The following FAM184B variants were observed in gnomAD, a reference collection of about 807,000 sequenced individuals.
FAM184B encodes the protein family with sequence similarity 184 member B.
FAM184B carries 111 observed loss-of-function variants against 135.9 expected under a neutral mutation model. That is an observed-to-expected ratio of 0.82 (90% CI 0.70 to 0.96). FAM184B has a LOEUF of 0.96. Among genes scored for constraint, FAM184B ranks in the 40% least tolerant of loss-of-function variants. FAM184B has a pLI of 0.00. For missense variants in FAM184B, 1,375 were observed against 1,323.9 expected (o/e 1.04, Z -0.60); for synonymous variants, 552 against 524.8 (o/e 1.05, Z -0.71).
intron 7 of FAM184B, among the ~76,000 whole-genome samples, chr4:17,676,444 AG>A (rs1487058317): frequency 6.6e-6 from 1 of 152,242 alleles, no homozygotes; most frequent in Admixed American, 6.5e-5. Flanking sequence ...AAATATTGTG[AG>A]AATTACCAAA....
rs192543089 is a variant in FAM184B, at chr4:17,693,902, G to A, written c.1378-490C>T. On this transcript the variant is annotated intron_variant, in intron 5 of 17. Transcript: ENST00000265018. ...TGAGGCAAGTGGATTGCTTGAGTCC[G>A]GGGGTTCGAGACCAGCCCGAGCAAC... is the stretch of plus-strand genomic sequence containing the variant. 7.7e-4 allele frequency among the ~76,000 whole-genome samples: 116 copies of A among 151,512 alleles called. 1 individual carries two copies. The highest frequency in any genetic ancestry group is 2.5e-3 in the African/African-American group (103 of 41,292).
intron 5 of FAM184B, among the ~76,000 whole-genome samples, chr4:17,701,702 C>T (rs908363375): frequency 6.6e-6 from 1 of 152,196 alleles, no homozygotes; most frequent in Non-Finnish European, 1.5e-5. Context: ...GAACTTGGCA[C>T]CTGCAGTATC....
Position 17,705,139 on chromosome 4 carries a change from A to G in FAM184B, c.1238T>C (p.Ile413Thr). The change falls in exon 5 of 18, where the codon ATC becomes ACC. Residue 413 changes from isoleucine to threonine, a missense_variant. By Grantham distance (89) the Ile-to-Thr change is moderately conservative (BLOSUM62 -1). Transcript: ENST00000265018. The part of the protein sequence containing the change: ...KQQYEEDLRK[I>T]KHQTEEEKKH... Reference sequence around the variant, plus strand: ...CTTCTCCTCTTCTGTCTGATGTTTGATTTTACGAAGGTCTTCTTCATATTG... The same window carrying G: ...CTTCTCCTCTTCTGTCTGATGTTTGGTTTTACGAAGGTCTTCTTCATATTG... The G allele has an allele frequency of 6.4e-7, 1 of 1,551,682 alleles. No homozygotes were observed. Among genetic ancestry groups the G allele is most frequent in the Non-Finnish European group, 8.7e-7 (1 of 1,146,998 alleles).
At chr4:17,692,078 G>A (rs1247239534) in intron 6 of FAM184B, among the ~76,000 whole-genome samples, 1 of 152,072 alleles carries the variant, frequency 6.6e-6, no homozygotes, top group Non-Finnish European at 1.5e-5. Context: ...GAATAACTGG[G>A]CTGGTCTCAT....
Position 17,652,810 on chromosome 4 carries a change from G to A in FAM184B, c.2191+20C>T, listed in dbSNP as rs1259159635. On this transcript the variant is annotated intron_variant, in intron 11 of 17. Transcript: ENST00000265018. ...CCTGCAGTTGGCCAGGCCCTCCTCA[G>A]TACACTATTGGGTGTATACCTAGCA... 2 of 1,543,254 alleles carry A rather than the reference G, an allele frequency of 1.3e-6. No individual in the cohort carries two copies. Among genetic ancestry groups the A allele is most frequent in the South Asian group, 1.2e-5 (1 of 83,890 alleles).
Position 17,745,578 on chromosome 4 carries a change from C to T in FAM184B, c.141+35581G>A, listed in dbSNP as rs146932769. 3.5e-3 allele frequency among the ~76,000 whole-genome samples: 533 copies of T among 152,312 alleles called. 1 individual carries two copies. Among genetic ancestry groups the T allele is most frequent in the African/African-American group, 0.011 (467 of 41,562 alleles). ...TGAGGGTTCTCCTATCCACCCACTT[C>T]CTTCCGTCTCCTTTCACATATGCAG... On this transcript the variant is annotated intron_variant, in intron 1 of 17. Coordinates refer to ENST00000265018, the MANE Select transcript of FAM184B (RefSeq NM_015688.2).
At position 17,781,321 on chromosome 4, in the gene FAM184B, CAG is replaced by C; in HGVS notation, c.-24_-23del. On this transcript the variant is annotated 5_prime_UTR_variant, in exon 1 of 18. Transcript: ENST00000265018. The surrounding 1 kb of genome is among the most constrained non-coding windows in gnomAD (Gnocchi z 6.5). ...CCATCGCTAAAACGCGCCCAGCACT[CAG>C]ACTCTCTCGTTTTCTCCCTGCCCAC... The C allele has an allele frequency of 6.6e-7, 1 of 1,510,618 alleles. No homozygotes were observed. The highest frequency in any genetic ancestry group is 8.9e-7 in the Non-Finnish European group (1 of 1,122,596). 93.6% of individuals were successfully genotyped at this position (1,510,618 alleles called of 1,614,324 possible).
At chr4:17,668,133 A>C (rs1343121981) in intron 7 of FAM184B, among the ~76,000 whole-genome samples, 1 of 152,222 alleles carries the variant, frequency 6.6e-6, no homozygotes, top group Non-Finnish European at 1.5e-5. Context: ...ATACTGACAC[A>C]GTTCAAGCCC....
intron 6 of FAM184B, among the ~76,000 whole-genome samples, chr4:17,690,677 T>G (rs1359282335): frequency 2.0e-5 from 3 of 152,206 alleles, no homozygotes; most frequent in African/African-American, 7.2e-5. Flanking sequence ...TTAAACTGCG[T>G]CTTGCTAAGG....
In FAM184B at chr4:17,731,653, T is replaced by C. The variant is rs182678198; in HGVS notation, c.142-22009A>G. Among the ~76,000 whole-genome samples the C allele has an allele frequency of 2.6e-4, 40 of 152,302 alleles. No individual in the cohort carries two copies. The East Asian group carries it at 6.9e-3, about 26-fold the overall frequency. ...CTATCCTAAATATAAATGCACCCAA[T>C]ACAGGAGCACTCAGATTCACAAAGC... On this transcript the variant is annotated intron_variant, in intron 1 of 17. Transcript: ENST00000265018.
In FAM184B at chr4:17,636,577, C is replaced by A. The variant is rs370226374; in HGVS notation, c.2735G>T (p.Arg912Leu). ...SRPEDLQLIG[R>L]LQTRLKERED... Reference sequence around the variant, plus strand: ...TCTCTCCTTCAGGCGGGTCTGCAGGCGGCCAATGAGCTGAAGGTCCTCGGG... The same window carrying A: ...TCTCTCCTTCAGGCGGGTCTGCAGGAGGCCAATGAGCTGAAGGTCCTCGGG... The change falls in exon 15 of 18, where the codon CGC (arginine) becomes CTC (leucine). Residue 912 changes from arginine (R) to leucine (L), a missense_variant. By Grantham distance (102) the Arg-to-Leu change is moderately radical. Coordinates refer to ENST00000265018, the MANE Select transcript of FAM184B (RefSeq NM_015688.2). 1 of 1,551,100 alleles carries A rather than the reference C, an allele frequency of 6.4e-7. No homozygotes were observed. Among genetic ancestry groups the A allele is most frequent in the Non-Finnish European group, 8.7e-7 (1 of 1,146,920 alleles).
intron 1 of FAM184B, among the ~76,000 whole-genome samples, chr4:17,758,274 T>C (rs190950063): frequency 6.6e-6 from 1 of 152,366 alleles, no homozygotes; most frequent in African/African-American, 2.4e-5. Flanking sequence ...TAAAGAGAAT[T>C]AGCCCATAAT....
intron 1 of FAM184B, among the ~76,000 whole-genome samples, chr4:17,755,728 A>G (rs764545323): frequency 2.6e-5 from 4 of 152,244 alleles, no homozygotes; most frequent in Non-Finnish European, 2.9e-5. Flanking sequence ...CTATGCAGCC[A>G]TAAAAGGGAA....
intron 17 of FAM184B, 101 bp downstream of exon 17, chr4:17,633,588 G>A: frequency 6.4e-6 from 7 of 1,093,372 alleles, no homozygotes; most frequent in African/African-American, 4.9e-5. Flanking sequence ...CATGAAAAAA[G>A]GCCTTCTGGA....
chr4:17,636,652 C>T lies in FAM184B; in HGVS notation c.2667-7G>A. The stretch of plus-strand genomic sequence containing the variant: ...CTCTCCGGAATCTTTCAGTCTGTTC[C>T]AAGCAGGCATGCAGTCAAGTCCCCC... On this transcript the variant is annotated splice_polypyrimidine_tract_variant and splice_region_variant and intron_variant, in intron 14 of 17. Coordinates refer to ENST00000265018, the MANE Select transcript of FAM184B (RefSeq NM_015688.2). The T allele has an allele frequency of 1.3e-6, 2 of 1,543,022 alleles. No individual in the cohort carries two copies. The highest frequency in any genetic ancestry group is 1.4e-5 in the African/African-American group (1 of 72,972).
intron 13 of FAM184B, 102 bp downstream of exon 13, chr4:17,641,954 C>T (rs1212261728): frequency 7.0e-7 from 1 of 1,424,168 alleles, no homozygotes; most frequent in African/African-American, 1.5e-5. Flanking sequence ...GAGGCAGTGA[C>T]CCATTTCAGG....
chr4:17,773,916 A>G (rs1346305900), intron 1 of FAM184B, among the ~76,000 whole-genome samples: 2 of 152,224 alleles, frequency 1.3e-5, no homozygotes, highest in Admixed American at 1.3e-4. Context: ...AGAGGAATAC[A>G]TGCTATCCCA....
Position 17,709,112 on chromosome 4 carries a change from T to C in FAM184B, c.674A>G (p.Tyr225Cys). The C allele has an allele frequency of 6.5e-7, 1 of 1,549,348 alleles. No individual in the cohort carries two copies. Among genetic ancestry groups the C allele is most frequent in the South Asian group, 1.2e-5 (1 of 84,060 alleles). Residue 225 changes from tyrosine to cysteine, a missense_variant, in exon 2 of 18, where the codon TAC becomes TGC. Tyr to Cys is a radical substitution (Grantham distance 194). Transcript: ENST00000265018. ...CCGGATGGCCTCGTTTTCCCTCTCGTAGGTGGCCTGCAGCTCCTCGGCCTT... is the reference window on the plus strand; with the variant it reads ...CCGGATGGCCTCGTTTTCCCTCTCGCAGGTGGCCTGCAGCTCCTCGGCCTT... ...ARKAEELQAT[Y>C]ERENEAIRQA...
At position 17,632,275 on chromosome 4, in the gene FAM184B, A is replaced by C. The variant is rs1472261389; in HGVS notation, c.*257T>G. 3 of 263,302 alleles carry C rather than the reference A, an allele frequency of 1.1e-5. No homozygotes were observed. Among genetic ancestry groups the C allele is most frequent in the Admixed American group, 4.6e-5 (1 of 21,576 alleles). The allele number at this position is 263,302 out of a possible 1,614,324, so 16.3% of individuals were successfully genotyped here. ...TATTTTGTAGAGATGGGGTTTCACC[A>C]TATTGGCCAGGCTGGTCTCAAATTC... On this transcript the variant is annotated 3_prime_UTR_variant, in exon 18 of 18. Coordinates refer to ENST00000265018, the MANE Select transcript of FAM184B (RefSeq NM_015688.2).
Sources: gnomAD v4.1 joint callset for allele counts (sites outside exome capture counted in the v4.1 genomes callset) on GRCh38, gnomAD v4.1.1 for gene constraint, Gnocchi (gnomAD v3.1) non-coding constraint, MANE v1.5 for transcripts, NCBI Gene and HGNC (gene_info 2026-07-23, HGNC 2026-07-21) for gene names.